Variants in NQO1 observed in about 807,000 individuals in gnomAD.
The protein encoded by NQO1 is NAD(P)H dehydrogenase [quinone] 1.
NQO1 carries 30 observed loss-of-function variants against 32.1 expected under a neutral mutation model. That is an observed-to-expected ratio of 0.94 (90% CI 0.70 to 1.27). The LOEUF (loss-of-function observed/expected upper bound fraction) is 1.27, where lower values mean the gene tolerates loss of function less well. NQO1 is among the 50% of genes most tolerant of loss of function. NQO1 has a pLI of 0.00. For missense variants in NQO1, 276 were observed against 331.3 expected, an observed-to-expected ratio of 0.83 and a Z score of 1.30; for synonymous variants, 109 against 119.7, an observed-to-expected ratio of 0.91 and a Z score of 0.59.
chr16:69,710,850 T>G lies in NQO1; in HGVS notation c.*126A>C. The G allele has an allele frequency of 2.9e-6, 3 of 1,018,050 alleles. No individual in the cohort carries two copies. Among genetic ancestry groups the G allele is most frequent in the Non-Finnish European group, 4.2e-6 (3 of 707,680 alleles). The allele number at this position is 1,018,050 out of a possible 1,614,324, so 63.1% of individuals were successfully genotyped here. A position where few individuals can be genotyped will look rare whatever the true frequency, so the allele number is the denominator to read the frequency against. On this transcript the variant is annotated 3_prime_UTR_variant, in exon 6 of 6. Coordinates refer to ENST00000320623, the MANE Select transcript of NQO1 (RefSeq NM_000903.3). ...TCCAAAAATGCACGAATACAGTCGA[T>G]TCCCTCTCATTTATTCCTTGTGGAA...
chr16:69,711,077 C>G lies in NQO1; in HGVS notation c.724G>C (p.Glu242Gln), dbSNP rs550531649. The change falls in exon 6 of 6, where the codon GAG becomes CAG. Residue 242 changes from glutamate (E) to glutamine (Q), a missense_variant. By Grantham distance (29) the Glu-to-Gln change is conservative. Coordinates refer to ENST00000320623, the MANE Select transcript of NQO1 (RefSeq NM_000903.3). ...NFQAGFLMKK[E>Q]VQDEEKNKKF... is the part of the protein sequence containing the mutation. ...TTGTTTTTCTCCTCATCCTGTACCTCTTTTTTCATTAAGAATCCTGCCTGG... is the reference window on the plus strand; with the variant it reads ...TTGTTTTTCTCCTCATCCTGTACCTGTTTTTTCATTAAGAATCCTGCCTGG... 2.6e-5 allele frequency: 42 copies of G among 1,614,088 alleles called. No homozygotes were observed. In the Admixed American group the frequency reaches 4.2e-4, roughly 16 times the overall value.
At chr16:69,718,007 T>C in intron 3 of NQO1, 116 bp downstream of exon 3, 1 of 1,364,500 alleles carries the variant, frequency 7.3e-7, no homozygotes, top group African/African-American at 1.4e-5. Flanking sequence ...TCACCCTTAT[T>C]TGCAGAGAAT....
At chr16:69,716,376 C>A (rs1022677754) in intron 3 of NQO1, among the ~76,000 whole-genome samples, 9 of 151,652 alleles carry the variant, frequency 5.9e-5, no homozygotes, top group African/African-American at 1.9e-4. Context: ...CCTGTAGTCC[C>A]AGCTACTTGG....
rs1014686074 is a variant in NQO1 at position 69,726,443 on chromosome 16, T to C, written c.-4A>G. On this transcript the variant is annotated 5_prime_UTR_variant, in exon 1 of 6. Transcript: ENST00000320623. ...CTTTGCAGCACTCACCGACCATGGC[T>C]CTGGTGCAGTCCGGGGCGCTGATTG... 3.1e-6 allele frequency: 5 copies of C among 1,610,784 alleles called. No individual in the cohort carries two copies. Among genetic ancestry groups the C allele is most frequent in the East Asian group, 2.2e-5 (1 of 44,774 alleles).
At position 69,709,654 on chromosome 16, in the gene NQO1, C is replaced by A; in HGVS notation, c.*1322G>T. On this transcript the variant is annotated 3_prime_UTR_variant, in exon 6 of 6. Coordinates refer to ENST00000320623, the MANE Select transcript of NQO1 (RefSeq NM_000903.3). ...TCTCCCATTTTTCAGGCAACCTTTT[C>A]ATCATTTCTCATCTCTTCTTTCAAT... The A allele has an allele frequency of 2.5e-6, 1 of 396,096 alleles. No homozygotes were observed. Among genetic ancestry groups the A allele is most frequent in the Non-Finnish European group, 4.4e-6 (1 of 224,888 alleles). 24.5% of individuals were successfully genotyped at this position (396,096 alleles called of 1,614,324 possible). A position where few individuals can be genotyped will look rare whatever the true frequency, so the allele number is the denominator to read the frequency against.
chr16:69,712,984 C>A, intron 5 of NQO1, 44 bp downstream of exon 5: 1 of 1,514,050 alleles, frequency 6.6e-7, no homozygotes, highest in Non-Finnish European at 9.1e-7. Flanking sequence ...CAGAGTGAGA[C>A]TCCGTCTCAA....
chr16:69,718,646 G>T, intron 1 of NQO1, 112 bp from the exon 2 acceptor site: 1 of 990,002 alleles, frequency 1.0e-6, no homozygotes, highest in South Asian at 1.6e-5. Context: ...TTGACATTAG[G>T]TTATTGCATT....
intron 3 of NQO1, among the ~76,000 whole-genome samples, chr16:69,715,416 T>C (rs2038100485): frequency 1.3e-5 from 2 of 152,276 alleles, no homozygotes; most frequent in African/African-American, 4.8e-5. Context: ...GTTTGCTTCA[T>C]GCTGTTGCTT....
chr16:69,722,866 T>G (rs925913512), intron 1 of NQO1, among the ~76,000 whole-genome samples: 1 of 152,232 alleles, frequency 6.6e-6, no homozygotes, highest in Non-Finnish European at 1.5e-5. Flanking sequence ...ACAGGCATTT[T>G]CTTTGTAACT....
At chr16:69,715,319 G>A (rs898514065) in intron 3 of NQO1, among the ~76,000 whole-genome samples, 1 of 152,242 alleles carries the variant, frequency 6.6e-6, no homozygotes, top group Non-Finnish European at 1.5e-5. Flanking sequence ...AGTAAAGCTA[G>A]ATACACAGAA....
intron 1 of NQO1, among the ~76,000 whole-genome samples, chr16:69,723,342 G>C (rs1012108494): frequency 6.6e-6 from 1 of 152,180 alleles, no homozygotes; most frequent in Non-Finnish European, 1.5e-5. Flanking sequence ...GCTCTTTCAA[G>C]GAGCTCAGAC....
rs901864762 is a variant in NQO1 at position 69,718,075 on chromosome 16, A to G, written c.303+48T>C. The stretch of plus-strand genomic sequence containing the variant: ...AGCTAATTAGGTACATGTCTAGGAC[A>G]ATAAGCACGCAAATGTCCCTGACAC... On this transcript the variant is annotated intron_variant, in intron 3 of 5. Transcript: ENST00000320623. The G allele has an allele frequency of 1.9e-6, 3 of 1,610,958 alleles. No individual in the cohort carries two copies. In the African/African-American group the frequency reaches 4.0e-5, roughly 22 times the overall value.
chr16:69,714,355 G>A (rs922971171), intron 4 of NQO1, among the ~76,000 whole-genome samples: 7 of 149,904 alleles, frequency 4.7e-5, no homozygotes, highest in Middle Eastern at 3.7e-3. Context: ...ATTTTTGGTA[G>A]AGACGGGGTT....
At chr16:69,715,121 C>A in intron 3 of NQO1, 44 bp from the exon 4 acceptor site, 1 of 1,505,388 alleles carries the variant, frequency 6.6e-7, no homozygotes, top group South Asian at 1.1e-5. Context: ...AGGGGCTCCC[C>A]AAGCCCAGAA....
chr16:69,720,928 T>C (rs974412243), intron 1 of NQO1, among the ~76,000 whole-genome samples: 2 of 152,250 alleles, frequency 1.3e-5, no homozygotes, highest in African/African-American at 2.4e-5. Flanking sequence ...TTGCCCAGGC[T>C]GGAATGCAGT....
At chr16:69,720,513 A>G (rs955211314) in intron 1 of NQO1, among the ~76,000 whole-genome samples, 3 of 151,600 alleles carry the variant, frequency 2.0e-5, no homozygotes, top group African/African-American at 4.8e-5. Flanking sequence ...TATGAGGGGG[A>G]AAAATGTGCA....
At chr16:69,715,115 G>T in intron 3 of NQO1, 38 bp from the exon 4 acceptor site, 8 of 1,527,048 alleles carry the variant, frequency 5.2e-6, no homozygotes, top group Non-Finnish European at 6.4e-6. Flanking sequence ...AAGACCAGGG[G>T]CTCCCCAAGC....
chr16:69,723,650 A>G (rs1462233759), intron 1 of NQO1, among the ~76,000 whole-genome samples: 1 of 151,720 alleles, frequency 6.6e-6, no homozygotes, highest in Non-Finnish European at 1.5e-5. Flanking sequence ...ATACAAAAAA[A>G]AATTAACCAG....
rs542819405 is a variant in NQO1, at chr16:69,713,906, C to T, written c.418-777G>A. On this transcript the variant is annotated intron_variant, in intron 4 of 5. Coordinates refer to ENST00000320623, the MANE Select transcript of NQO1 (RefSeq NM_000903.3). Reference sequence around the variant, plus strand: ...TGTTTTTGTTTTTGATATGGAGGCTCGCTCTGTCACCCAGCCTGGAGTGCA... The same window carrying T: ...TGTTTTTGTTTTTGATATGGAGGCTTGCTCTGTCACCCAGCCTGGAGTGCA... Among the ~76,000 whole-genome samples, 166 of 90,416 alleles carry T rather than the reference C, an allele frequency of 1.8e-3. 20 individuals are homozygous for T. In the South Asian group the frequency reaches 0.042, roughly 23 times the overall value. 59.3% of individuals were successfully genotyped at this position (90,416 alleles called of 152,430 possible).
Sources: gnomAD v4.1 joint callset for allele counts (sites outside exome capture counted in the v4.1 genomes callset) on GRCh38, gnomAD v4.1.1 for gene constraint, MANE v1.5 for transcripts, NCBI Gene and HGNC (gene_info 2026-07-23, HGNC 2026-07-21) for gene names.